FER: variants seen among roughly 807,000 people sequenced by gnomAD.
FER encodes the protein tyrosine-protein kinase Fer.
FER carries 63 observed loss-of-function variants against 111.0 expected under a neutral mutation model. The observed-to-expected ratio is 0.57, with a 90% CI of 0.46 to 0.70. The LOEUF (loss-of-function observed/expected upper bound fraction) is 0.70, where lower values mean the gene tolerates loss of function less well. Among genes scored for constraint, FER ranks in the 30% least tolerant of loss-of-function variants. The probability of loss-of-function intolerance (pLI) is 0.00; values close to 1 mark genes in which losing one functional copy is unlikely to be tolerated. For missense variants in FER, 914 were observed against 954.0 expected (o/e 0.96, Z 0.55); for synonymous variants, 327 against 313.9 (o/e 1.04, Z -0.44).
intron 5 of FER, among the ~76,000 whole-genome samples, chr5:108,847,655 C>T (rs1240849053): frequency 1.3e-5 from 2 of 151,958 alleles, no homozygotes; most frequent in African/African-American, 4.8e-5. Context: ...TCTTGTAGTT[C>T]TATCAGTTTT....
At chr5:109,159,323 A>G (rs72798567) in intron 17 of FER, among the ~76,000 whole-genome samples, 11,896 of 152,228 alleles carry the variant, frequency 0.078, 516 homozygotes, top group Middle Eastern at 0.12. Flanking sequence ...CCAATCAGAA[A>G]TAATCTTTAC....
rs182676753 is a variant in FER, at chr5:109,194,446, A to G, written c.*6871A>G. ...TATTCTTCCTGAAAAGCCAAACACCACACCTATTTTCCTATTTGCTAAGAA... is the reference window on the plus strand; with the variant it reads ...TATTCTTCCTGAAAAGCCAAACACCGCACCTATTTTCCTATTTGCTAAGAA... On this transcript the variant is annotated 3_prime_UTR_variant, in exon 20 of 20. Transcript: ENST00000281092. 2.1e-3 allele frequency: 319 copies of G among 152,292 alleles called. 1 individual carries two copies. Among genetic ancestry groups the G allele is most frequent in the African/African-American group, 7.3e-3 (304 of 41,568 alleles). 9.4% of individuals were successfully genotyped at this position (152,292 alleles called of 1,614,324 possible). A position where few individuals can be genotyped will look rare whatever the true frequency, so the allele number is the denominator to read the frequency against.
At chr5:109,152,423 G>A (rs1258709728) in intron 17 of FER, among the ~76,000 whole-genome samples, 1 of 151,870 alleles carries the variant, frequency 6.6e-6, no homozygotes, top group Admixed American at 6.6e-5. Flanking sequence ...TTTTCAAAAA[G>A]ACAACATAAG....
At chr5:109,151,134 C>G (rs1411156234) in intron 17 of FER, among the ~76,000 whole-genome samples, 1 of 151,998 alleles carries the variant, frequency 6.6e-6, no homozygotes, top group Non-Finnish European at 1.5e-5. Flanking sequence ...CCGTGCTATA[C>G]TTTTTTGATG....
intron 10 of FER, among the ~76,000 whole-genome samples, chr5:108,898,221 G>C (rs1387232596): frequency 6.6e-6 from 1 of 152,112 alleles, no homozygotes; most frequent in African/African-American, 2.4e-5. Context: ...TTATTTATCT[G>C]AGATTGCTGG....
At chr5:108,965,874 CT>C (rs201225127) in intron 13 of FER, among the ~76,000 whole-genome samples, 1,782 of 152,250 alleles carry the variant, frequency 0.012, 17 homozygotes, top group Non-Finnish European at 0.02. Context: ...TGATATTTGA[CT>C]ATATAGTCAC....
At chr5:109,176,991 A>G (rs1356732384) in intron 17 of FER, among the ~76,000 whole-genome samples, 1 of 152,244 alleles carries the variant, frequency 6.6e-6, no homozygotes, top group Non-Finnish European at 1.5e-5. Context: ...TAATGTATGT[A>G]TCTAAATGTA....
At chr5:109,017,285 A>G (rs1213014528) in intron 13 of FER, among the ~76,000 whole-genome samples, 1 of 152,032 alleles carries the variant, frequency 6.6e-6, no homozygotes, top group Non-Finnish European at 1.5e-5. Flanking sequence ...GATATGTTAT[A>G]TATTTTGCAA....
At chr5:108,908,736 A>T (rs945590217) in intron 10 of FER, among the ~76,000 whole-genome samples, 1 of 151,968 alleles carries the variant, frequency 6.6e-6, no homozygotes, top group African/African-American at 2.4e-5. Context: ...AAAAAAAAAA[A>T]AAAATTTATA....
intron 17 of FER, among the ~76,000 whole-genome samples, chr5:109,147,854 A>T (rs1298194785): frequency 6.6e-6 from 1 of 151,632 alleles, no homozygotes; most frequent in Non-Finnish European, 1.5e-5. Context: ...CTAGTGAAAC[A>T]CACCAAAATA....
intron 17 of FER, among the ~76,000 whole-genome samples, chr5:109,139,219 C>A (rs1753237265): frequency 6.6e-6 from 1 of 152,062 alleles, no homozygotes. Flanking sequence ...TATTGTCTAT[C>A]AAAATCACTT....
intron 16 of FER, among the ~76,000 whole-genome samples, chr5:109,054,846 C>T (rs1002161506): frequency 6.6e-6 from 1 of 152,136 alleles, no homozygotes; most frequent in Non-Finnish European, 1.5e-5. Flanking sequence ...AATGACTATT[C>T]TTTCTCTCTT....
intron 9 of FER, among the ~76,000 whole-genome samples, chr5:108,886,445 C>T (rs527582853): frequency 1.5e-4 from 22 of 148,754 alleles, no homozygotes; most frequent in African/African-American, 4.9e-4. Context: ...CATACATAAA[C>T]ATATATGTAA....
chr5:108,874,025 A>G (rs1764859953), intron 8 of FER, among the ~76,000 whole-genome samples: 1 of 152,156 alleles, frequency 6.6e-6, no homozygotes, highest in African/African-American at 2.4e-5. Flanking sequence ...TCTTTTTATT[A>G]TAATATTGCT....
At chr5:108,926,162 A>G (rs1361402113) in intron 10 of FER, among the ~76,000 whole-genome samples, 1 of 150,838 alleles carries the variant, frequency 6.6e-6, no homozygotes, top group Non-Finnish European at 1.5e-5. Flanking sequence ...AATTTTATTA[A>G]CTTTTTTCTT....
At chr5:108,974,844 T>C (rs1254536407) in intron 13 of FER, among the ~76,000 whole-genome samples, 1 of 152,190 alleles carries the variant, frequency 6.6e-6, no homozygotes, top group Admixed American at 6.5e-5. Context: ...CCTTATAACC[T>C]GCAAAAAGAA....
chr5:108,781,479 A>G (rs983988559), intron 2 of FER, among the ~76,000 whole-genome samples: 4 of 152,202 alleles, frequency 2.6e-5, no homozygotes, highest in African/African-American at 9.6e-5. Flanking sequence ...GGCGTGAGCC[A>G]CCGTGCCCAG....
At chr5:108,908,387 C>A (rs1031152931) in intron 10 of FER, among the ~76,000 whole-genome samples, 1 of 151,948 alleles carries the variant, frequency 6.6e-6, no homozygotes, top group Non-Finnish European at 1.5e-5. Context: ...ATTAATAGTT[C>A]TTTTTTCTGC....
intron 17 of FER, among the ~76,000 whole-genome samples, chr5:109,103,001 A>T (rs944504672): frequency 6.6e-6 from 1 of 152,062 alleles, no homozygotes; most frequent in Admixed American, 6.6e-5. Flanking sequence ...TGCTCCTAAG[A>T]AATATGAAAG....
Sources: allele counts gnomAD v4.1 joint callset (sites outside exome capture counted in the v4.1 genomes callset), GRCh38; gene constraint gnomAD v4.1.1; transcripts MANE v1.5; gene names NCBI Gene and HGNC (gene_info 2026-07-23, HGNC 2026-07-21).